NT5DC2: variants seen among roughly 807,000 people sequenced by gnomAD.
The protein encoded by NT5DC2 is 5'-nucleotidase domain-containing protein 2.
In NT5DC2, 41 loss-of-function variants were observed where a neutral mutation model predicts 70.0. The observed-to-expected ratio is 0.59, with a 90% CI of 0.46 to 0.76. The LOEUF (loss-of-function observed/expected upper bound fraction) is 0.76. NT5DC2 is among the 30% of genes least tolerant of loss of function. The probability of loss-of-function intolerance (pLI) is 0.00; values close to 1 mark genes in which losing one functional copy is unlikely to be tolerated. For synonymous variants in NT5DC2, 299 were observed against 310.4 expected (o/e 0.96, Z 0.39); for missense variants, 705 against 783.2 (o/e 0.90, Z 1.19).
At chr3:52,533,449 C>T in intron 1 of NT5DC2, 57 bp downstream of exon 1, 1 of 1,455,490 alleles carries the variant, frequency 6.9e-7, no homozygotes, top group Non-Finnish European at 9.1e-7. Context: ...GGGCTCGGTC[C>T]GTCCATCAGT....
At chr3:52,533,914 G>C, upstream of NT5DC2, 1 of 837,098 alleles carries the variant, frequency 1.2e-6, no homozygotes, top group African/African-American at 1.8e-5. Context: ...CCCGGGGGGC[G>C]GGAGGCCCCG....
At chr3:52,525,436 C>A in intron 10 of NT5DC2, 141 bp from the exon 11 acceptor site, 1 of 647,632 alleles carries the variant, frequency 1.5e-6, no homozygotes, top group Non-Finnish European at 2.8e-6. Flanking sequence ...CTCCCTGGGC[C>A]CTGGTTCTTG....
In NT5DC2 at chr3:52,533,626, C is replaced by A. The variant is rs1056011283; in HGVS notation, c.112G>T (p.Gly38Cys). Residue 38 changes from glycine (G) to cysteine (C), a missense_variant, in exon 1 of 14, where the codon GGT becomes TGT. By Grantham distance (159) the Gly-to-Cys change is radical. Transcript: ENST00000422318. ...ACGCCGGGGCAGTGGGCGCCGGGAC[C>A]CGGGGGGCCGCACCCAGGGCAGGAG... ...SPSCPGCGPP[G>C]PGAHCPGVPR... The A allele has an allele frequency of 8.2e-7, 1 of 1,222,310 alleles. No individual in the cohort carries two copies. 75.7% of individuals were successfully genotyped at this position (1,222,310 alleles called of 1,614,324 possible). A position where few individuals can be genotyped will look rare whatever the true frequency, so the allele number is the denominator to read the frequency against.
Position 52,525,202 on chromosome 3 carries a change from C to T in NT5DC2, c.1206+7G>A, listed in dbSNP as rs2079238501. The T allele has an allele frequency of 6.2e-7, 1 of 1,610,658 alleles. No individual in the cohort carries two copies. Among genetic ancestry groups the T allele is most frequent in the Admixed American group, 1.7e-5 (1 of 59,870 alleles). ...CCCCCACTGCAGCCCAGCCCTGCCT[C>T]CCTCACCGCCAGATCACTATAGAGG... On this transcript the variant is annotated splice_region_variant and intron_variant, in intron 11 of 13. Coordinates refer to ENST00000422318, the MANE Select transcript of NT5DC2 (RefSeq NM_001134231.2).
At position 52,529,431 on chromosome 3, in the gene NT5DC2, C is replaced by T. The variant is rs985483936; in HGVS notation, c.233-97G>A. The T allele has an allele frequency of 5.2e-6, 6 of 1,157,904 alleles. No individual in the cohort carries two copies. Among genetic ancestry groups the T allele is most frequent in the African/African-American group, 1.5e-5 (1 of 65,284 alleles). The allele number at this position is 1,157,904 out of a possible 1,614,324, so 71.7% of individuals were successfully genotyped here. ...TCTGTGGGGACCTAGCCCTGTGAGC[C>T]TCAGAAACGCCCCACAATGGCACCT... On this transcript the variant is annotated intron_variant, in intron 1 of 13. Coordinates refer to ENST00000422318, the MANE Select transcript of NT5DC2 (RefSeq NM_001134231.2). This position sits in a 1 kb window ranked among gnomAD's most constrained non-coding sequence, Gnocchi z 4.1.
chr3:52,533,485 G>A, intron 1 of NT5DC2, 21 bp downstream of exon 1: 3 of 1,494,216 alleles, frequency 2.0e-6, no homozygotes, highest in Admixed American at 2.1e-5. Context: ...CCCGGCGCAC[G>A]TCCCGCCCCG....
rs750985057 is a variant in NT5DC2 at position 52,524,800 on chromosome 3, T to C, written c.1412+17A>G. 6 of 1,612,372 alleles carry C rather than the reference T, an allele frequency of 3.7e-6. No individual in the cohort carries two copies. The highest frequency in any genetic ancestry group is 2.2e-5 in the South Asian group (2 of 91,086). On this transcript the variant is annotated intron_variant, in intron 13 of 13. Transcript: ENST00000422318. ...GGTGGCTTGGCTGGGACTCCTGCCCTGGCCCCACCTGCTCACCTCAGCTCC... is the reference window on the plus strand; with the variant it reads ...GGTGGCTTGGCTGGGACTCCTGCCCCGGCCCCACCTGCTCACCTCAGCTCC...
Position 52,533,709 on chromosome 3 carries a change from G to A in NT5DC2, c.29C>T (p.Ala10Val). MAGAGLRAAARRWLLCGGHG... is the reference protein window; with the variant it reads MAGAGLRAAVRRWLLCGGHG... Reference sequence around the variant, plus strand: ...GCCTCCGCACAGCAGCCAGCGCCGAGCGGCCGCCCGCAGCCCCGCACCCGC... The same window carrying A: ...GCCTCCGCACAGCAGCCAGCGCCGAACGGCCGCCCGCAGCCCCGCACCCGC... Residue 10 changes from alanine (A) to valine (V), a missense_variant, in exon 1 of 14, where the codon GCT (alanine) becomes GTT (valine). Transcript: ENST00000422318. The A allele has an allele frequency of 9.9e-7, 1 of 1,006,626 alleles. No homozygotes were observed. Among genetic ancestry groups the A allele is most frequent in the Non-Finnish European group, 1.2e-6 (1 of 845,686 alleles). The allele number at this position is 1,006,626 out of a possible 1,614,324, so 62.4% of individuals were successfully genotyped here. A position where few individuals can be genotyped will look rare whatever the true frequency, so the allele number is the denominator to read the frequency against.
chr3:52,528,743 G>T (rs1207475212), intron 3 of NT5DC2, 51 bp from the exon 4 acceptor site: 1 of 1,605,832 alleles, frequency 6.2e-7, no homozygotes, highest in Admixed American at 1.7e-5. Context: ...GTTTCACCGT[G>T]GCCCCAAGCC....
Position 52,528,079 on chromosome 3 carries a change from G to A in NT5DC2, c.772-6C>T. The A allele has an allele frequency of 1.2e-6, 2 of 1,612,792 alleles. No individual in the cohort carries two copies. The highest frequency in any genetic ancestry group is 1.7e-6 in the Non-Finnish European group (2 of 1,179,850). ...TGCACGTCTCGGATGGCGTCCTGGG[G>A]GCAGTGGAGGACAATGAGGGTACAG... On this transcript the variant is annotated splice_polypyrimidine_tract_variant and splice_region_variant and intron_variant, in intron 6 of 13. Transcript: ENST00000422318.
At chr3:52,534,562 C>G (rs2079404518), upstream of NT5DC2, 1 of 1,613,532 alleles carries the variant, frequency 6.2e-7, no homozygotes, top group African/African-American at 1.3e-5. Flanking sequence ...CGGCGCACGC[C>G]CCTCGTGAGA....
chr3:52,524,416 T>C lies in NT5DC2; in HGVS notation c.*54A>G. 6.2e-7 allele frequency: 1 copy of C among 1,612,146 alleles called. No homozygotes were observed. The highest frequency in any genetic ancestry group is 1.7e-4 in the Middle Eastern group (1 of 6,060). ...GAGGAGACCACTTTTATTGCTTGTC[T>C]GGGTGGATGGGGCAGGAGGGGCTGA... is the stretch of plus-strand genomic sequence containing the variant. On this transcript the variant is annotated 3_prime_UTR_variant, in exon 14 of 14. Transcript: ENST00000422318.
chr3:52,533,930 G>T (rs1275275854), upstream of NT5DC2: 1 of 589,368 alleles, frequency 1.7e-6, no homozygotes, highest in African/African-American at 2.1e-5. Flanking sequence ...CCCCGGACCC[G>T]GCGGGGCGGG....
upstream of NT5DC2, chr3:52,534,861 C>G: frequency 1.7e-6 from 1 of 603,630 alleles, no homozygotes; most frequent in South Asian, 2.0e-5. Flanking sequence ...GTGTGGCAGT[C>G]CATGGCCTGG....
upstream of NT5DC2, chr3:52,534,111 G>T (rs1303323431): frequency 3.7e-6 from 1 of 270,090 alleles, no homozygotes; most frequent in African/African-American, 2.3e-5. Flanking sequence ...GGCTCCGGAC[G>T]GCCGAGGCGC....
At chr3:52,533,921 C>G (rs1343518926), upstream of NT5DC2, 5 of 800,946 alleles carry the variant, frequency 6.2e-6, no homozygotes, top group Non-Finnish European at 7.5e-6. Flanking sequence ...GGCGGGAGGC[C>G]CCGGACCCGG....
Position 52,533,713 on chromosome 3 carries a change from C to G in NT5DC2, c.25G>C (p.Ala9Pro). The change falls in exon 1 of 14, where the codon GCC (alanine) becomes CCC (proline). Residue 9 changes from alanine (A) to proline (P), a missense_variant. Transcript: ENST00000422318. ...CCGCACAGCAGCCAGCGCCGAGCGG[C>G]CGCCCGCAGCCCCGCACCCGCCATG... MAGAGLRAAARRWLLCGGH... is the reference protein window; with the variant it reads MAGAGLRAPARRWLLCGGH... 1 of 1,000,652 alleles carries G rather than the reference C, an allele frequency of 1.0e-6. No homozygotes were observed. The highest frequency in any genetic ancestry group is 1.2e-6 in the Non-Finnish European group (1 of 841,636). 62.0% of individuals were successfully genotyped at this position (1,000,652 alleles called of 1,614,324 possible). A position where few individuals can be genotyped will look rare whatever the true frequency, so the allele number is the denominator to read the frequency against.
chr3:52,528,274 A>G lies in NT5DC2; in HGVS notation c.680T>C (p.Leu227Pro), dbSNP rs1056333700. The change falls in exon 6 of 14, where the codon CTA (leucine) becomes CCA (proline). Residue 227 changes from leucine (L) to proline (P), a missense_variant. Physicochemically the swap from Leu to Pro is moderately conservative, Grantham distance 98. Coordinates refer to ENST00000422318, the MANE Select transcript of NT5DC2 (RefSeq NM_001134231.2). ...ACAGGACAGCAGAGCCATCTCCGGT[A>G]GCGAGAAGATGTCCATGAACTGCTT... ...SIKQFMDIFS[L>P]PEMALLSCVV... 6.2e-7 allele frequency: 1 copy of G among 1,613,320 alleles called. No individual in the cohort carries two copies. Among genetic ancestry groups the G allele is most frequent in the East Asian group, 2.2e-5 (1 of 44,902 alleles).
In NT5DC2 at chr3:52,527,726, G is replaced by C. The variant is rs771506260; in HGVS notation, c.936-8C>G. 4 of 1,613,206 alleles carry C rather than the reference G, an allele frequency of 2.5e-6. No homozygotes were observed. The highest frequency in any genetic ancestry group is 3.4e-6 in the Non-Finnish European group (4 of 1,179,944). ...TGCCGCATCCCCTTGTCTCTGTGTG[G>C]AGGAGTTTCAGGTGGCAAGTAGTCT... On this transcript the variant is annotated splice_region_variant and splice_polypyrimidine_tract_variant and intron_variant, in intron 8 of 13. Coordinates refer to ENST00000422318, the MANE Select transcript of NT5DC2 (RefSeq NM_001134231.2).
Sources: gnomAD v4.1 joint callset for allele counts on GRCh38, gnomAD v4.1.1 for gene constraint, Gnocchi (gnomAD v3.1) non-coding constraint, MANE v1.5 for transcripts, NCBI Gene and HGNC (gene_info 2026-07-23, HGNC 2026-07-21) for gene names.